METTL16: variants seen among roughly 807,000 people sequenced by gnomAD.
METTL16 encodes methyltransferase 16, RNA N6-adenosine, also known as RNA N(6)-adenosine-methyltransferase METTL16.
Under a neutral mutation model 57.9 loss-of-function variants are expected in METTL16, and 19 were observed. The observed-to-expected ratio is 0.33, with a 90% CI of 0.23 to 0.48. The LOEUF (loss-of-function observed/expected upper bound fraction) is 0.48. METTL16 is among the 20% of genes least tolerant of loss of function. The pLI, the probability that METTL16 is intolerant of heterozygous loss-of-function variation, is 0.99. For synonymous variants in METTL16, 246 were observed against 255.6 expected, an observed-to-expected ratio of 0.96 and a Z score of 0.36; for missense variants, 434 against 691.5, an observed-to-expected ratio of 0.63 and a Z score of 4.18.
At chr17:2,456,658 A>G (rs7226249) in intron 6 of METTL16, among the ~76,000 whole-genome samples, 10,185 of 152,218 alleles carry the variant, frequency 0.067, 499 homozygotes, top group Non-Finnish European at 0.1. Context: ...TTGTAGACAC[A>G]GAGTCTTGCT....
At chr17:2,477,982 C>A in intron 2 of METTL16, 97 bp from the exon 3 acceptor site, 1 of 955,702 alleles carries the variant, frequency 1.0e-6, no homozygotes, top group South Asian at 1.5e-5. Context: ...CCCATCCGAA[C>A]CTCCCAGGGA....
intron 7 of METTL16, among the ~76,000 whole-genome samples, chr17:2,439,108 T>G: frequency 6.6e-6 from 1 of 152,048 alleles, no homozygotes; most frequent in East Asian, 1.9e-4. Context: ...TTTATTTTAT[T>G]TAAAAGAAAA....
intron 2 of METTL16, among the ~76,000 whole-genome samples, chr17:2,491,693 G>A (rs142662911): frequency 0.01 from 1,560 of 151,388 alleles, 18 homozygotes; most frequent in African/African-American, 0.035. Context: ...GGCTAACACG[G>A]TGAAACCCCG....
At chr17:2,474,215 TA>T (rs1050402156) in intron 3 of METTL16, among the ~76,000 whole-genome samples, 19 of 152,236 alleles carry the variant, frequency 1.2e-4, no homozygotes, top group Non-Finnish European at 2.2e-4. Context: ...TCAATTTTCT[TA>T]AAAGAAAACA....
At chr17:2,439,115 A>C (rs2151549127) in intron 7 of METTL16, among the ~76,000 whole-genome samples, 1 of 152,164 alleles carries the variant, frequency 6.6e-6, no homozygotes, top group Middle Eastern at 3.4e-3. Context: ...TATTTAAAAG[A>C]AAATTTTTTG....
intron 1 of METTL16, among the ~76,000 whole-genome samples, chr17:2,507,065 G>A (rs2067545158): frequency 6.6e-6 from 1 of 150,908 alleles, no homozygotes; most frequent in East Asian, 2.0e-4. Flanking sequence ...ACCCCGTCCG[G>A]GAGGGAGGTG....
intron 2 of METTL16, among the ~76,000 whole-genome samples, chr17:2,497,301 C>T (rs766578512): frequency 5.3e-5 from 7 of 132,330 alleles, no homozygotes; most frequent in African/African-American, 8.6e-5. Flanking sequence ...CCACTGCACC[C>T]GGCCTTTTTT....
At chr17:2,451,504 C>T (rs1268189629) in intron 6 of METTL16, among the ~76,000 whole-genome samples, 1 of 151,726 alleles carries the variant, frequency 6.6e-6, no homozygotes, top group Non-Finnish European at 1.5e-5. Flanking sequence ...ACCTGTAGTT[C>T]CAGGTACGCA....
At chr17:2,475,968 GT>G (rs2067265922) in intron 3 of METTL16, among the ~76,000 whole-genome samples, 3 of 152,260 alleles carry the variant, frequency 2.0e-5, no homozygotes, top group Admixed American at 2.0e-4. Context: ...AGCAGAAGAG[GT>G]GAGAAATGCA....
At chr17:2,468,754 T>TG (rs773450407) in intron 4 of METTL16, among the ~76,000 whole-genome samples, 25 of 152,018 alleles carry the variant, frequency 1.6e-4, no homozygotes, top group Non-Finnish European at 3.2e-4. Context: ...CTGAGCATGG[T>TG]GGTACGAGCC....
intron 2 of METTL16, among the ~76,000 whole-genome samples, chr17:2,490,377 C>T (rs2067378446): frequency 6.6e-6 from 1 of 152,012 alleles, no homozygotes; most frequent in Non-Finnish European, 1.5e-5. Flanking sequence ...AAAATGCTTA[C>T]AGTATAATGT....
chr17:2,469,423 G>A (rs1597459287), intron 4 of METTL16, among the ~76,000 whole-genome samples: 1 of 151,520 alleles, frequency 6.6e-6, no homozygotes, highest in East Asian at 1.9e-4. Context: ...CTCTTTAACG[G>A]AAAAAAAATT....
chr17:2,420,507 C>CT lies in METTL16; in HGVS notation c.1151dup (p.Lys385GlufsTer16). 6.2e-7 allele frequency: 1 copy of CT among 1,614,040 alleles called. No individual in the cohort carries two copies. Among genetic ancestry groups the CT allele is most frequent in the Non-Finnish European group, 8.5e-7 (1 of 1,180,014 alleles). ...TCAGCTGTCTCACACGCTCTCTTTTCTTTCTCCTTAAATGAATCCAGGAGT... is the reference window on the plus strand; with the variant it reads ...TCAGCTGTCTCACACGCTCTCTTTTCTTTTCTCCTTAAATGAATCCAGGAGT... On this transcript the variant is annotated frameshift_variant, in exon 10 of 10. Coordinates refer to ENST00000263092, the MANE Select transcript of METTL16 (RefSeq NM_024086.4). LOFTEE classifies it high-confidence loss of function. This position sits in a 1 kb window ranked among gnomAD's most constrained non-coding sequence, Gnocchi z 5.4.
At chr17:2,481,744 CAA>C (rs2067308264) in intron 2 of METTL16, among the ~76,000 whole-genome samples, 1 of 151,998 alleles carries the variant, frequency 6.6e-6, no homozygotes, top group African/African-American at 2.4e-5. Context: ...AAGAAATATT[CAA>C]AGACATGATT....
Position 2,467,833 on chromosome 17 carries a change from T to C in METTL16, c.513A>G (p.Lys171=), listed in dbSNP as rs2067212406. 1.2e-6 allele frequency: 2 copies of C among 1,614,110 alleles called. No homozygotes were observed. The highest frequency in any genetic ancestry group is 1.1e-5 in the South Asian group (1 of 91,094). ...AGTCATAGATTATCTCAGATTCTTCTTTAAGAGCATCCATCAGGAGTGTCT... is the reference window on the plus strand; with the variant it reads ...AGTCATAGATTATCTCAGATTCTTCCTTAAGAGCATCCATCAGGAGTGTCT... ...PQKTLLMDAL[K]EESEIIYDFC... is the part of the protein sequence containing the mutation. The change falls in exon 5 of 10, where the codon AAA becomes AAG. Residue 171 remains lysine (K), a synonymous_variant. Transcript: ENST00000263092.
intron 8 of METTL16, among the ~76,000 whole-genome samples, chr17:2,433,514 G>A (rs2066889458): frequency 6.6e-6 from 1 of 152,164 alleles, no homozygotes; most frequent in African/African-American, 2.4e-5. Flanking sequence ...GCAGGTTCTG[G>A]CCAGGCCAGG....
intron 1 of METTL16, among the ~76,000 whole-genome samples, chr17:2,503,996 A>G (rs2067511514): frequency 6.6e-6 from 1 of 152,228 alleles, no homozygotes; most frequent in Non-Finnish European, 1.5e-5. Flanking sequence ...ATATGGATCA[A>G]GAAAATACGG....
chr17:2,508,463 A>G (rs2067564276), intron 1 of METTL16, among the ~76,000 whole-genome samples: 3 of 152,200 alleles, frequency 2.0e-5, no homozygotes, highest in African/African-American at 7.2e-5. Context: ...ATGCACTGCT[A>G]TCTTTCTTGT....
At chr17:2,479,446 C>T (rs2067288884) in intron 2 of METTL16, among the ~76,000 whole-genome samples, 1 of 150,796 alleles carries the variant, frequency 6.6e-6, no homozygotes. Flanking sequence ...GTTGGGATTG[C>T]AGGCGTGAAC....
Sources: gnomAD v4.1 joint callset for allele counts (sites outside exome capture counted in the v4.1 genomes callset) on GRCh38, gnomAD v4.1.1 for gene constraint, Gnocchi (gnomAD v3.1) non-coding constraint, MANE v1.5 for transcripts, NCBI Gene and HGNC (gene_info 2026-07-23, HGNC 2026-07-21) for gene names.